Variants in ANTXR1 observed in about 807,000 individuals in gnomAD.
ANTXR1 encodes ANTXR cell adhesion molecule 1, also known as anthrax toxin receptor 1.
Under a neutral mutation model 78.1 loss-of-function variants are expected in ANTXR1, and 19 were observed. The ratio of observed to expected loss-of-function variants is 0.24; its 90% CI spans 0.17 to 0.36. The LOEUF (loss-of-function observed/expected upper bound fraction) is 0.36, where lower values mean the gene tolerates loss of function less well. ANTXR1 is among the 10% of genes least tolerant of loss of function. ANTXR1 has a pLI of 1.00. For synonymous variants in ANTXR1, 273 were observed against 260.5 expected, an observed-to-expected ratio of 1.05 and a Z score of -0.46; for missense variants, 518 against 718.6, an observed-to-expected ratio of 0.72 and a Z score of 3.19.
chr2:69,171,063 C>G (rs1673970280), intron 14 of ANTXR1, among the ~76,000 whole-genome samples: 1 of 152,246 alleles, frequency 6.6e-6, no homozygotes, highest in African/African-American at 2.4e-5. Flanking sequence ...TATCTAAACA[C>G]TCAATGAGAC....
At chr2:69,156,119 T>C (rs1673517902) in intron 13 of ANTXR1, among the ~76,000 whole-genome samples, 3 of 152,154 alleles carry the variant, frequency 2.0e-5, no homozygotes, top group Non-Finnish European at 4.4e-5. Context: ...TTATGAGGGC[T>C]TCAGCACTCA....
At chr2:69,072,839 T>C (rs1187362085) in intron 5 of ANTXR1, among the ~76,000 whole-genome samples, 183 bp from the exon 6 acceptor site, 1 of 152,224 alleles carries the variant, frequency 6.6e-6, no homozygotes, top group Non-Finnish European at 1.5e-5. Flanking sequence ...CCCCCTAAAG[T>C]CTGTCCCCAT....
intron 17 of ANTXR1, among the ~76,000 whole-genome samples, chr2:69,225,830 G>A (rs1037488663): frequency 6.6e-6 from 1 of 152,174 alleles, no homozygotes; most frequent in African/African-American, 2.4e-5. Flanking sequence ...CTTCTTTTAG[G>A]CCAAAACCAA....
chr2:69,211,058 G>T (rs1675029975), intron 17 of ANTXR1, among the ~76,000 whole-genome samples: 1 of 152,072 alleles, frequency 6.6e-6, no homozygotes, highest in South Asian at 2.1e-4. Context: ...GGCAAGGGCT[G>T]GTCCGAAAAG....
intron 12 of ANTXR1, among the ~76,000 whole-genome samples, chr2:69,130,063 G>A (rs1672684909): frequency 6.6e-6 from 1 of 152,098 alleles, no homozygotes; most frequent in East Asian, 1.9e-4. Context: ...CATTTCTGGG[G>A]CCTTTCAATT....
intron 1 of ANTXR1, among the ~76,000 whole-genome samples, chr2:69,017,351 G>C (rs1417895361): frequency 6.6e-6 from 1 of 152,114 alleles, no homozygotes; most frequent in East Asian, 1.9e-4. Context: ...AGATCCTTTC[G>C]CTGGCAAGAC....
intron 10 of ANTXR1, among the ~76,000 whole-genome samples, chr2:69,104,643 C>T (rs1245778920): frequency 6.6e-6 from 1 of 152,158 alleles, no homozygotes; most frequent in African/African-American, 2.4e-5. Context: ...GAAGGTTTAA[C>T]TCAAAGACAT....
chr2:69,219,900 C>A (rs1675279839), intron 17 of ANTXR1, among the ~76,000 whole-genome samples: 1 of 151,460 alleles, frequency 6.6e-6, no homozygotes, highest in Non-Finnish European at 1.5e-5. Context: ...CCATAAGCAT[C>A]TCCATCCTTC....
At chr2:69,029,042 C>A (rs897795483) in intron 1 of ANTXR1, among the ~76,000 whole-genome samples, 2 of 81,166 alleles carry the variant, frequency 2.5e-5, no homozygotes, top group African/African-American at 3.1e-4. Context: ...CATGTTGAGA[C>A]CCCCCCCCCT....
intron 17 of ANTXR1, among the ~76,000 whole-genome samples, chr2:69,204,134 C>T (rs1241005534): frequency 6.6e-6 from 1 of 152,082 alleles, no homozygotes; most frequent in Non-Finnish European, 1.5e-5. Flanking sequence ...GCTGATGGCA[C>T]CAAAAAAGAT....
intron 12 of ANTXR1, among the ~76,000 whole-genome samples, chr2:69,139,360 T>A (rs1460948320): frequency 6.6e-6 from 1 of 152,178 alleles, no homozygotes; most frequent in African/African-American, 2.4e-5. Flanking sequence ...TTAACTGCAT[T>A]TCACCAGTAC....
chr2:69,032,464 G>A (rs1353192329), intron 1 of ANTXR1, among the ~76,000 whole-genome samples: 8 of 151,104 alleles, frequency 5.3e-5, no homozygotes, highest in Non-Finnish European at 1.0e-4. Context: ...CTCATTCTGC[G>A]TCACTTCCTC....
chr2:69,168,298 A>T (rs1446532225), intron 13 of ANTXR1, among the ~76,000 whole-genome samples: 1 of 152,228 alleles, frequency 6.6e-6, no homozygotes, highest in African/African-American at 2.4e-5. Flanking sequence ...GATGCTTAAC[A>T]CACATGATCG....
At position 69,212,961 on chromosome 2, in the gene ANTXR1, CTTT is replaced by C. The variant is rs747933496; in HGVS notation, c.1434+19569_1434+19571del. 6.1e-4 allele frequency among the ~76,000 whole-genome samples: 60 copies of C among 98,084 alleles called. 1 individual carries two copies. Among genetic ancestry groups the C allele is most frequent in the African/African-American group, 2.0e-3 (48 of 23,778 alleles). The allele number at this position is 98,084 out of a possible 152,430, so 64.3% of individuals were successfully genotyped here. ...AGCTAAGACTACATGTGCACATCAC[CTTT>C]TTTTTTTTTTTTTTTTTTTTTTGGT... On this transcript the variant is annotated intron_variant, in intron 17 of 17. Transcript: ENST00000303714.
chr2:69,203,759 A>G (rs1040353378), intron 17 of ANTXR1, among the ~76,000 whole-genome samples: 1 of 151,858 alleles, frequency 6.6e-6, no homozygotes, highest in East Asian at 1.9e-4. Flanking sequence ...TATCACCATC[A>G]TCATCATCAT....
chr2:69,121,907 G>A (rs1360036746), intron 10 of ANTXR1, among the ~76,000 whole-genome samples: 1 of 152,112 alleles, frequency 6.6e-6, no homozygotes, highest in East Asian at 1.9e-4. Flanking sequence ...AGCTTGAATT[G>A]AAGCCACTTT....
chr2:69,038,054 T>C (rs1463197683), intron 1 of ANTXR1, among the ~76,000 whole-genome samples: 3 of 152,136 alleles, frequency 2.0e-5, no homozygotes, highest in Non-Finnish European at 1.5e-5. Context: ...AGTTTCTACC[T>C]GTCCTTCAAG....
intron 13 of ANTXR1, among the ~76,000 whole-genome samples, chr2:69,163,923 C>T (rs1187875570): frequency 6.6e-6 from 1 of 152,228 alleles, no homozygotes; most frequent in African/African-American, 2.4e-5. Flanking sequence ...GAAAAATGTA[C>T]ATTACCTTCT....
At chr2:69,070,115 C>T (rs1043022511) in intron 3 of ANTXR1, among the ~76,000 whole-genome samples, 7 of 152,194 alleles carry the variant, frequency 4.6e-5, no homozygotes, top group East Asian at 1.9e-4. Flanking sequence ...ACACAGGCAC[C>T]GGCCCACAGA....
Sources: allele counts gnomAD v4.1 joint callset (sites outside exome capture counted in the v4.1 genomes callset), GRCh38; gene constraint gnomAD v4.1.1; transcripts MANE v1.5; gene names NCBI Gene and HGNC (gene_info 2026-07-23, HGNC 2026-07-21).